ESX1: variants seen among roughly 807,000 people sequenced by gnomAD.
ESX1 encodes the protein homeobox protein ESX1.
A neutral mutation model predicts 13.2 loss-of-function variants in ESX1; 2 were observed. That is an observed-to-expected ratio of 0.15 (90% CI 0.06 to 0.48). ESX1 has a LOEUF of 0.48. Among genes scored for constraint, ESX1 ranks in the 20% least tolerant of loss-of-function variants. The probability of loss-of-function intolerance (pLI) is 0.97; values close to 1 mark genes in which losing one functional copy is unlikely to be tolerated. For synonymous variants in ESX1, 157 were observed against 163.1 expected (o/e 0.96, Z 0.29); for missense variants, 307 against 379.0 (o/e 0.81, Z 1.58).
In ESX1 at chrX:104,250,225, A is replaced by T. The variant is rs1556393642; in HGVS notation, c.*3T>A. 4 of 1,206,347 alleles carry T rather than the reference A, an allele frequency of 3.3e-6. No homozygotes were observed. The highest frequency in any genetic ancestry group is 1.8e-5 in the South Asian group (1 of 56,507). On this transcript the variant is annotated 3_prime_UTR_variant, in exon 4 of 4. Coordinates refer to ENST00000372588, the MANE Select transcript of ESX1 (RefSeq NM_153448.4). ...TTGGAAAAACTGTTATGAATACCTTACTTTAGAAAAAGGGACATGCATAAT... is the reference window on the plus strand; with the variant it reads ...TTGGAAAAACTGTTATGAATACCTTTCTTTAGAAAAAGGGACATGCATAAT...
At chrX:104,254,647 G>A (rs1923284515) in intron 1 of ESX1, 70 bp from the exon 2 acceptor site, 2 of 1,159,891 alleles carry the variant, frequency 1.7e-6, no homozygotes, top group African/African-American at 3.6e-5. Flanking sequence ...GGAGGAGGCA[G>A]GGGACCCGCT....
In ESX1 at chrX:104,254,355, G is replaced by A; in HGVS notation, c.305C>T (p.Pro102Leu). Residue 102 changes from proline (P) to leucine (L), a missense_variant, in exon 2 of 4, where the codon CCC becomes CTC. Around this residue, in one of 3 missense-constraint regions of ESX1, gnomAD observed 152 missense variants for 114.5 expected, o/e 1.33. Transcript: ENST00000372588. ...TKPEQQQEEP[P>L]LLELKQEQEE... ...CTGCTCTTGCTTCAGCTCGAGCAGG[G>A]GCGGCTCCTCCTGCTGTTGCTCCGG... The A allele has an allele frequency of 8.3e-7, 1 of 1,210,849 alleles. No individual in the cohort carries two copies. The highest frequency in any genetic ancestry group is 2.2e-5 in the Admixed American group (1 of 46,006).
At position 104,254,332 on chromosome X, in the gene ESX1, G is replaced by T. The variant is rs1923268238; in HGVS notation, c.328C>A (p.Gln110Lys). 8.3e-7 allele frequency: 1 copy of T among 1,211,193 alleles called. No individual in the cohort carries two copies. The highest frequency in any genetic ancestry group is 1.8e-5 in the South Asian group (1 of 56,989). ...EPPLLELKQE[Q>K]EEPPQTTVEG... ...ACGGTCGTCTGGGGCGGCTCCTCCTGCTCTTGCTTCAGCTCGAGCAGGGGC... is the reference window on the plus strand; with the variant it reads ...ACGGTCGTCTGGGGCGGCTCCTCCTTCTCTTGCTTCAGCTCGAGCAGGGGC... The change falls in exon 2 of 4, where the codon CAG becomes AAG. Residue 110 changes from glutamine (Q) to lysine (K), a missense_variant. Transcript: ENST00000372588.
intron 1 of ESX1, 86 bp downstream of exon 1, chrX:104,254,682 C>T: frequency 2.6e-6 from 3 of 1,140,962 alleles, no homozygotes; most frequent in Non-Finnish European, 3.6e-6. Flanking sequence ...GCGACAGCCG[C>T]GCAGCGTCTC....
chrX:104,254,137 C>T lies in ESX1; in HGVS notation c.506+17G>A, dbSNP rs1923257854. 1 of 1,183,895 alleles carries T rather than the reference C, an allele frequency of 8.4e-7. No individual in the cohort carries two copies. On this transcript the variant is annotated intron_variant, in intron 2 of 3. Transcript: ENST00000372588. ...GGTCCCGGGATGAACTGGGCGCCTC[C>T]GGGGCAAGCCACTTACCGCGCCACA...
Position 104,254,833 on chromosome X carries a change from C to T in ESX1, c.17G>A (p.Gly6Glu), listed in dbSNP as rs1923294794. Residue 6 changes from glycine to glutamate, a missense_variant, in exon 1 of 4, where the codon GGG becomes GAG. This residue lies in a region of ESX1 where 152 missense variants were observed against 114.5 expected (regional missense o/e 1.33). Coordinates refer to ENST00000372588, the MANE Select transcript of ESX1 (RefSeq NM_153448.4). ...GTAGCCAATATCACTGTGGGTGTAC[C>T]CGCGAAGAGACTCCATGCTTCAAGC... MESLRGYTHSDIGYRS... is the reference protein window; with the variant it reads MESLREYTHSDIGYRS... The T allele has an allele frequency of 8.3e-7, 1 of 1,208,811 alleles. No homozygotes were observed. Among genetic ancestry groups the T allele is most frequent in the Non-Finnish European group, 1.1e-6 (1 of 892,713 alleles).
chrX:104,252,301 A>T (rs1364763400), intron 3 of ESX1, among the ~76,000 whole-genome samples: 1 of 112,278 alleles, frequency 8.9e-6, no homozygotes, highest in African/African-American at 3.2e-5. Context: ...CTGTGCATTA[A>T]TTTGAATACT....
chrX:104,250,050 A>T lies in ESX1; in HGVS notation c.*178T>A. 3.3e-6 allele frequency: 2 copies of T among 598,690 alleles called. No individual in the cohort carries two copies. The highest frequency in any genetic ancestry group is 3.9e-5 in the South Asian group (1 of 25,608). The allele number at this position is 598,690 out of a possible 1,213,427, so 49.3% of individuals were successfully genotyped here. A position where few individuals can be genotyped will look rare whatever the true frequency, so the allele number is the denominator to read the frequency against. ...TACAAAACCAACGTACTATTAAGTC[A>T]CATCTTTATTGAAAATACTACAATT... On this transcript the variant is annotated 3_prime_UTR_variant, in exon 4 of 4. Transcript: ENST00000372588.
intron 1 of ESX1, 65 bp downstream of exon 1, chrX:104,254,703 C>T: frequency 8.7e-7 from 1 of 1,156,038 alleles, no homozygotes; most frequent in Non-Finnish European, 1.2e-6. Flanking sequence ...CTCCGCTTGC[C>T]TCTCCCAGGG....
rs183896402 is a variant in ESX1, at chrX:104,254,067, G to C, written c.506+87C>G. 9,574 of 1,079,999 alleles carry C rather than the reference G, an allele frequency of 8.9e-3. 497 individuals are homozygous for C. In the African/African-American group the frequency reaches 0.16, roughly 18 times the overall value. The allele number at this position is 1,079,999 out of a possible 1,213,427, so 89.0% of individuals were successfully genotyped here. A position where few individuals can be genotyped will look rare whatever the true frequency, so the allele number is the denominator to read the frequency against. On this transcript the variant is annotated intron_variant, in intron 2 of 3. Coordinates refer to ENST00000372588, the MANE Select transcript of ESX1 (RefSeq NM_153448.4). ...CGTCCCCCAAAAACCAAGGGCGGAG[G>C]CAGCGCCCGTGAGCCCCCTACGTGG...
chrX:104,250,104 C>T lies in ESX1; in HGVS notation c.*124G>A, dbSNP rs1041016961. ...TGGCCTACAAAAATAACAGGGCATT[C>T]GTTAACTTTGTTCACCTACCCACTT... is the stretch of plus-strand genomic sequence containing the variant. On this transcript the variant is annotated 3_prime_UTR_variant, in exon 4 of 4. Coordinates refer to ENST00000372588, the MANE Select transcript of ESX1 (RefSeq NM_153448.4). The T allele has an allele frequency of 9.3e-5, 73 of 786,315 alleles. No homozygotes were observed. Among genetic ancestry groups the T allele is most frequent in the Non-Finnish European group, 1.1e-4 (66 of 579,010 alleles). The allele number at this position is 786,315 out of a possible 1,213,427, so 64.8% of individuals were successfully genotyped here. A position where few individuals can be genotyped will look rare whatever the true frequency, so the allele number is the denominator to read the frequency against.
chrX:104,253,581 A>G (rs1923240467), intron 2 of ESX1, among the ~76,000 whole-genome samples: 1 of 111,569 alleles, frequency 9.0e-6, no homozygotes, highest in Non-Finnish European at 1.9e-5. Context: ...AAGGCTAAGT[A>G]CAACGAAGCC....
chrX:104,252,957 T>A lies in ESX1; in HGVS notation c.507-129A>T, dbSNP rs1923219899. The A allele has an allele frequency of 8.1e-5, 43 of 534,139 alleles. No homozygotes were observed. The South Asian group carries it at 1.2e-3, about 15-fold the overall frequency. The allele number at this position is 534,139 out of a possible 1,213,427, so 44.0% of individuals were successfully genotyped here. A position where few individuals can be genotyped will look rare whatever the true frequency, so the allele number is the denominator to read the frequency against. On this transcript the variant is annotated intron_variant, in intron 2 of 3. Transcript: ENST00000372588. ...TGAGGTCAGGAGTTGGAGACAAGCC[T>A]GGCCAGCATGGTGAAACCCTGTCTC...
intron 2 of ESX1, 83 bp downstream of exon 2, chrX:104,254,071 C>G: frequency 1.8e-6 from 2 of 1,096,687 alleles, no homozygotes; most frequent in Admixed American, 3.0e-5. Context: ...GCGGAGGCAG[C>G]GCCCGTGAGC....
At chrX:104,254,066 G>A in intron 2 of ESX1, 88 bp downstream of exon 2, 1 of 1,083,103 alleles carries the variant, frequency 9.2e-7, no homozygotes, top group Non-Finnish European at 1.2e-6. Flanking sequence ...CAAGGGCGGA[G>A]GCAGCGCCCG....
At position 104,254,858 on chromosome X, in the gene ESX1, C is replaced by T; in HGVS notation, c.-9G>A. Reference sequence around the variant, plus strand: ...CCGCGAAGAGACTCCATGCTTCAAGCGCTGTCGATAAAGCTGTGCACTTCT... The same window carrying T: ...CCGCGAAGAGACTCCATGCTTCAAGTGCTGTCGATAAAGCTGTGCACTTCT... On this transcript the variant is annotated 5_prime_UTR_variant, in exon 1 of 4. Transcript: ENST00000372588. 1 of 1,194,998 alleles carries T rather than the reference C, an allele frequency of 8.4e-7. No homozygotes were observed. Among genetic ancestry groups the T allele is most frequent in the Non-Finnish European group, 1.1e-6 (1 of 880,524 alleles).
In ESX1 at chrX:104,250,863, G is replaced by A. The variant is rs782254695; in HGVS notation, c.586C>T (p.Arg196Ter). 77 of 1,206,219 alleles carry A rather than the reference G, an allele frequency of 6.4e-5. No homozygotes were observed. The Admixed American group carries it at 9.2e-4, about 14-fold the overall frequency. Residue 196 changes from arginine (R) to a stop codon, truncating the protein, a stop_gained, in exon 4 of 4, where the codon CGA (arginine) becomes TGA (stop). Transcript: ENST00000372588. LOFTEE classifies it low-confidence loss of function (END_TRUNC). Reference protein sequence around the residue: ...WFQNRRAKWKRNQRVLMLRNT... With the variant: ...WFQNRRAKWK ...CTCAACATTAGCACCCTCTGATTTC[G>A]TTTCCACTTGGCTCTTCTGTTCTGA...
intron 3 of ESX1, among the ~76,000 whole-genome samples, chrX:104,252,434 G>GT (rs1385858631): frequency 8.9e-6 from 1 of 111,982 alleles, no homozygotes; most frequent in African/African-American, 3.2e-5. Flanking sequence ...TGGGATATAT[G>GT]TATGTATGTA....
At chrX:104,254,747 C>A in intron 1 of ESX1, 21 bp downstream of exon 1, 7 of 1,196,190 alleles carry the variant, frequency 5.9e-6, no homozygotes, top group Non-Finnish European at 7.9e-6. Context: ...CGAAAGCTCC[C>A]GTCCCTGTCC....
Sources: allele counts gnomAD v4.1 joint callset (sites outside exome capture counted in the v4.1 genomes callset), GRCh38; gene constraint gnomAD v4.1.1; regional missense constraint gnomAD v4.1.1; transcripts MANE v1.5; gene names NCBI Gene and HGNC (gene_info 2026-07-23, HGNC 2026-07-21).